The following ELOVL6 variants were observed in gnomAD, a reference collection of about 807,000 sequenced individuals.
ELOVL6 encodes ELOVL fatty acid elongase 6.
In ELOVL6, 8 loss-of-function variants were observed where a neutral mutation model predicts 31.7. That is an observed-to-expected ratio of 0.25 (90% confidence interval 0.15 to 0.45). ELOVL6 has a LOEUF of 0.45. Among genes scored for constraint, ELOVL6 ranks in the 20% least tolerant of loss-of-function variants. ELOVL6 has a pLI of 1.00. For missense variants in ELOVL6, 126 were observed against 326.4 expected (o/e 0.39, Z 4.73); for synonymous variants, 101 against 117.7 (o/e 0.86, Z 0.92).
chr4:110,084,164 G>GTGATATATA (rs1247766919), intron 2 of ELOVL6, among the ~76,000 whole-genome samples: 1 of 45,604 alleles, frequency 2.2e-5, no homozygotes, highest in Admixed American at 3.1e-4. Context: ...TAACATATAT[G>GTGATATATA]TGATATATAT....
At chr4:110,061,190 T>A (rs1187344027) in intron 2 of ELOVL6, among the ~76,000 whole-genome samples, 1 of 152,136 alleles carries the variant, frequency 6.6e-6, no homozygotes, top group African/African-American at 2.4e-5. Context: ...AAACCTCAAC[T>A]CCTTTATCAG....
intron 1 of ELOVL6, among the ~76,000 whole-genome samples, chr4:110,193,257 G>A (rs867819666): frequency 9.9e-5 from 15 of 152,100 alleles, no homozygotes; most frequent in African/African-American, 3.1e-4. Context: ...ATTGTACATC[G>A]TGTTACTTTC....
In ELOVL6 at chr4:110,168,788, T is replaced by C. The variant is rs569891019; in HGVS notation, c.89+29459A>G. Among the ~76,000 whole-genome samples the C allele has an allele frequency of 2.0e-5, 3 of 152,220 alleles. No individual in the cohort carries two copies. The South Asian group carries it at 6.2e-4, about 32-fold the overall frequency. ...GCCTCACTCTGCCAATCACCAGGTGTCCCACCTTTTCCAAGTTACTTAACC... is the reference window on the plus strand; with the variant it reads ...GCCTCACTCTGCCAATCACCAGGTGCCCCACCTTTTCCAAGTTACTTAACC... On this transcript the variant is annotated intron_variant, in intron 1 of 3. Coordinates refer to ENST00000302274, the MANE Select transcript of ELOVL6 (RefSeq NM_024090.3).
chr4:110,067,060 A>G (rs1755326688), intron 2 of ELOVL6, among the ~76,000 whole-genome samples: 1 of 152,234 alleles, frequency 6.6e-6, no homozygotes, highest in African/African-American at 2.4e-5. Flanking sequence ...GTATTTTTCA[A>G]TAATATAATA....
At chr4:110,084,083 T>TCA (rs1312462561) in intron 2 of ELOVL6, among the ~76,000 whole-genome samples, 13 of 111,454 alleles carry the variant, frequency 1.2e-4, no homozygotes, top group South Asian at 2.9e-4. Context: ...ATGCTATATA[T>TCA]GATATATAAC....
At chr4:110,085,662 C>A (rs1405283369) in intron 2 of ELOVL6, among the ~76,000 whole-genome samples, 1 of 152,150 alleles carries the variant, frequency 6.6e-6, no homozygotes, top group African/African-American at 2.4e-5. Context: ...TATATTGAAA[C>A]TTTAATTACA....
chr4:110,176,552 C>A (rs1295479567), intron 1 of ELOVL6, among the ~76,000 whole-genome samples: 1 of 152,152 alleles, frequency 6.6e-6, no homozygotes, highest in African/African-American at 2.4e-5. Flanking sequence ...GAAATTGTTT[C>A]TTTCTTCTGA....
At chr4:110,084,020 CAT>C (rs1332400001) in intron 2 of ELOVL6, among the ~76,000 whole-genome samples, 2 of 4,038 alleles carry the variant, frequency 5.0e-4, no homozygotes, top group Non-Finnish European at 1.2e-3. Flanking sequence ...TGGTATATAA[CAT>C]ATGCCATATA....
At chr4:110,081,363 C>T (rs958442183) in intron 2 of ELOVL6, among the ~76,000 whole-genome samples, 2 of 152,144 alleles carry the variant, frequency 1.3e-5, no homozygotes, top group Non-Finnish European at 2.9e-5. Context: ...CTACAGAAAC[C>T]AAAACAGCAT....
chr4:110,070,506 T>C (rs1318711955), intron 2 of ELOVL6, among the ~76,000 whole-genome samples: 1 of 152,246 alleles, frequency 6.6e-6, no homozygotes, highest in Non-Finnish European at 1.5e-5. Context: ...AGTGCAACGA[T>C]AATAGCAGTG....
intron 1 of ELOVL6, among the ~76,000 whole-genome samples, chr4:110,158,289 T>C (rs1433436651): frequency 6.6e-6 from 1 of 152,150 alleles, no homozygotes; most frequent in African/African-American, 2.4e-5. Context: ...AGTGGACCAT[T>C]GTGTGCACAG....
Position 110,072,038 on chromosome 4 carries a change from C to T in ELOVL6, c.222-12284G>A, listed in dbSNP as rs371568794. 2.1e-4 allele frequency among the ~76,000 whole-genome samples: 32 copies of T among 152,304 alleles called. No individual in the cohort carries two copies. The East Asian group carries it at 5.2e-3, about 25-fold the overall frequency. ...TTCACAAATGAAATCAATCCACCAG[C>T]GTGAGATCAGTGAGACAGATATCAG... On this transcript the variant is annotated intron_variant, in intron 2 of 3. Transcript: ENST00000302274.
In ELOVL6 at chr4:110,084,359, CCGCATATATGATATATGATATATAT is replaced by C. The variant is rs1367771993; in HGVS notation, c.221+21113_221+21137del. 1.8e-3 allele frequency among the ~76,000 whole-genome samples: 67 copies of C among 37,196 alleles called. 10 individuals are homozygous for C. The highest frequency in any genetic ancestry group is 2.4e-3 in the Non-Finnish European group (51 of 21,050). The allele number at this position is 37,196 out of a possible 152,430, so 24.4% of individuals were successfully genotyped here. A position where few individuals can be genotyped will look rare whatever the true frequency, so the allele number is the denominator to read the frequency against. Reference sequence around the variant, plus strand: ...TCACATATATGATATATGATATATACCGCATATATGATATATGATATATATCGCATATATGATATATGATATATGA... The same window carrying C: ...TCACATATATGATATATGATATATACCGCATATATGATATATGATATATGA... On this transcript the variant is annotated intron_variant, in intron 2 of 3. Coordinates refer to ENST00000302274, the MANE Select transcript of ELOVL6 (RefSeq NM_024090.3).
chr4:110,105,904 G>A (rs987043547), intron 1 of ELOVL6, among the ~76,000 whole-genome samples: 2 of 152,164 alleles, frequency 1.3e-5, no homozygotes, highest in Non-Finnish European at 2.9e-5. Flanking sequence ...CAACAACATA[G>A]CATTGAAGTA....
intron 1 of ELOVL6, among the ~76,000 whole-genome samples, chr4:110,168,461 G>A (rs1365734975): frequency 6.6e-6 from 1 of 152,046 alleles, no homozygotes; most frequent in African/African-American, 2.4e-5. Flanking sequence ...AGAGGCTGCT[G>A]TGAGCCAAGA....
intron 2 of ELOVL6, among the ~76,000 whole-genome samples, chr4:110,069,372 T>C (rs1343539803): frequency 6.6e-6 from 1 of 151,854 alleles, no homozygotes; most frequent in Non-Finnish European, 1.5e-5. Flanking sequence ...GCACTACTAA[T>C]AGCCTCGACC....
chr4:110,084,408 G>GATATATGATATATC lies in ELOVL6; in HGVS notation c.221+21088_221+21089insGATATATCATATAT, dbSNP rs1756128215. Among the ~76,000 whole-genome samples the GATATATGATATATC allele has an allele frequency of 7.3e-5, 2 of 27,402 alleles. 1 individual carries two copies. The highest frequency in any genetic ancestry group is 1.7e-4 in the Non-Finnish European group (2 of 12,106). 18.0% of individuals were successfully genotyped at this position (27,402 alleles called of 152,430 possible). A position where few individuals can be genotyped will look rare whatever the true frequency, so the allele number is the denominator to read the frequency against. ...ATCGCATATATGATATATGATATAT[G>GATATATGATATATC]ACATACATGATATATCACATATATC... On this transcript the variant is annotated intron_variant, in intron 2 of 3. Coordinates refer to ENST00000302274, the MANE Select transcript of ELOVL6 (RefSeq NM_024090.3).
At chr4:110,073,482 C>T (rs930360454) in intron 2 of ELOVL6, among the ~76,000 whole-genome samples, 2 of 152,178 alleles carry the variant, frequency 1.3e-5, no homozygotes, top group African/African-American at 2.4e-5. Context: ...TATTTGTGAG[C>T]TATGACATTT....
At position 110,105,640 on chromosome 4, in the gene ELOVL6, C is replaced by G; in HGVS notation, c.90-12G>C. 6.2e-7 allele frequency: 1 copy of G among 1,606,160 alleles called. No individual in the cohort carries two copies. Among genetic ancestry groups the G allele is most frequent in the African/African-American group, 1.3e-5 (1 of 74,520 alleles). ...GGAAAGATTTCTTCCTGCAAACAAG[C>G]AAACAAAATCTTTAAGATATTTTTA... On this transcript the variant is annotated splice_polypyrimidine_tract_variant and intron_variant, in intron 1 of 3. Coordinates refer to ENST00000302274, the MANE Select transcript of ELOVL6 (RefSeq NM_024090.3).
Sources: gnomAD v4.1 joint callset for allele counts (sites outside exome capture counted in the v4.1 genomes callset) on GRCh38, gnomAD v4.1.1 for gene constraint, MANE v1.5 for transcripts, NCBI Gene and HGNC (gene_info 2026-07-23, HGNC 2026-07-21) for gene names.